OSBPL1A: variants seen among roughly 807,000 people sequenced by gnomAD.
OSBPL1A encodes the protein oxysterol binding protein like 1A.
In OSBPL1A, 80 loss-of-function variants were observed where a neutral mutation model predicts 137.1. The ratio of observed to expected loss-of-function variants is 0.58; its 90% CI spans 0.49 to 0.70. The LOEUF (loss-of-function observed/expected upper bound fraction) is 0.70. OSBPL1A is among the 30% of genes least tolerant of loss of function. The probability of loss-of-function intolerance (pLI) is 0.00; values close to 1 mark genes in which losing one functional copy is unlikely to be tolerated. For synonymous variants in OSBPL1A, 365 were observed against 389.7 expected (o/e 0.94, Z 0.75); for missense variants, 970 against 1,129.4 (o/e 0.86, Z 2.02).
At chr18:24,217,499 C>G (rs1027664448) in intron 17 of OSBPL1A, among the ~76,000 whole-genome samples, 2 of 152,138 alleles carry the variant, frequency 1.3e-5, no homozygotes, top group Non-Finnish European at 2.9e-5. Flanking sequence ...TCAAGTGATA[C>G]ACTTGCCTCT....
At chr18:24,359,575 T>A (rs2091591301) in intron 4 of OSBPL1A, among the ~76,000 whole-genome samples, 1 of 151,806 alleles carries the variant, frequency 6.6e-6, no homozygotes, top group Non-Finnish European at 1.5e-5. Flanking sequence ...ACGCGTATAG[T>A]TCTAGGTGGA....
intron 18 of OSBPL1A, 44 bp downstream of exon 18, chr18:24,196,081 T>A: frequency 6.8e-7 from 1 of 1,469,632 alleles, no homozygotes; most frequent in Non-Finnish European, 9.5e-7. Context: ...AATATGCGAT[T>A]AAACATATCT....
chr18:24,291,770 GA>G lies in OSBPL1A; in HGVS notation c.1175-10823del, dbSNP rs111966262. On this transcript the variant is annotated intron_variant, in intron 14 of 27. Coordinates refer to ENST00000319481, the MANE Select transcript of OSBPL1A (RefSeq NM_080597.4). ...AACAAAAGGGGACTTGGGGGACAGG[GA>G]AAAAAAAAAACGAGAGATTGCCTGT... Among the ~76,000 whole-genome samples, 276 of 147,418 alleles carry G rather than the reference GA, an allele frequency of 1.9e-3. 1 individual carries two copies. The highest frequency in any genetic ancestry group is 5.9e-3 in the African/African-American group (236 of 40,290).
intron 16 of OSBPL1A, among the ~76,000 whole-genome samples, chr18:24,226,989 T>A (rs141236258): frequency 0.027 from 4,042 of 149,894 alleles, 156 homozygotes; most frequent in African/African-American, 0.094. Flanking sequence ...CCTCCCAAGT[T>A]CAAGCAATTC....
intron 5 of OSBPL1A, 131 bp downstream of exon 5, chr18:24,341,416 A>T: frequency 1.5e-6 from 1 of 650,224 alleles, no homozygotes; most frequent in East Asian, 2.8e-5. Flanking sequence ...CAATGACTCC[A>T]AGATGACATT....
intron 18 of OSBPL1A, among the ~76,000 whole-genome samples, chr18:24,184,731 C>G (rs1028128844): frequency 6.6e-6 from 1 of 152,178 alleles, no homozygotes; most frequent in Non-Finnish European, 1.5e-5. Context: ...CATCACCTCA[C>G]AGAGAGAGGG....
At chr18:24,218,265 G>C (rs973015550) in intron 17 of OSBPL1A, 2 of 152,174 alleles carry the variant, frequency 1.3e-5, no homozygotes, top group Admixed American at 6.5e-5. Flanking sequence ...CACTGTTTTA[G>C]AGATACATAC....
chr18:24,397,011 G>A (rs1907791467), intron 1 of OSBPL1A, among the ~76,000 whole-genome samples: 1 of 152,214 alleles, frequency 6.6e-6, no homozygotes, highest in Non-Finnish European at 1.5e-5. Context: ...ACTGCCCACA[G>A]TTCCATTTCA....
intron 15 of OSBPL1A, among the ~76,000 whole-genome samples, chr18:24,279,403 T>C (rs1294377377): frequency 1.3e-5 from 2 of 152,030 alleles, no homozygotes; most frequent in African/African-American, 2.4e-5. Flanking sequence ...TACTCCAGCC[T>C]GGGCAACAGA....
At chr18:24,242,971 T>C (rs1254747768) in intron 15 of OSBPL1A, among the ~76,000 whole-genome samples, 1 of 152,138 alleles carries the variant, frequency 6.6e-6, no homozygotes, top group Non-Finnish European at 1.5e-5. Flanking sequence ...GGTTAAACAC[T>C]TCATTTCTCT....
At chr18:24,185,216 A>G (rs558999152) in intron 18 of OSBPL1A, among the ~76,000 whole-genome samples, 67 of 152,330 alleles carry the variant, frequency 4.4e-4, no homozygotes, top group Non-Finnish European at 8.4e-4. Context: ...TCGGTGTGGT[A>G]CTACAATGTT....
In OSBPL1A at chr18:24,318,777, C is replaced by T; in HGVS notation, c.658G>A (p.Glu220Lys). Residue 220 changes from glutamate to lysine, a missense_variant, in exon 8 of 28, where the codon GAA (glutamate) becomes AAA (lysine). Around this residue, in one of 2 missense-constraint regions of OSBPL1A, gnomAD observed 647 missense variants for 672.6 expected, o/e 0.96. Coordinates refer to ENST00000319481, the MANE Select transcript of OSBPL1A (RefSeq NM_080597.4). The stretch of plus-strand genomic sequence containing the variant: ...TTACCAACAAGAATGTGTTTCATTT[C>T]AGCACCCTGGGCAAGGTCAAGAGGT... Reference protein sequence around the residue: ...QKPLDLAQGAEMKHILVGNKV... With the variant: ...QKPLDLAQGAKMKHILVGNKV... 6.2e-7 allele frequency: 1 copy of T among 1,613,490 alleles called. No individual in the cohort carries two copies. The highest frequency in any genetic ancestry group is 8.5e-7 in the Non-Finnish European group (1 of 1,179,950).
chr18:24,192,902 G>C (rs2086926949), intron 18 of OSBPL1A, among the ~76,000 whole-genome samples: 1 of 152,182 alleles, frequency 6.6e-6, no homozygotes, highest in Non-Finnish European at 1.5e-5. Context: ...CGGAAAAAAT[G>C]GGATGAGGAC....
chr18:24,204,600 G>GAT (rs1367832447), intron 17 of OSBPL1A, among the ~76,000 whole-genome samples: 11 of 147,284 alleles, frequency 7.5e-5, no homozygotes, highest in East Asian at 5.9e-4. Flanking sequence ...TTCTCTAAAT[G>GAT]ATATATATAT....
At chr18:24,266,535 T>C (rs1253461471) in intron 15 of OSBPL1A, among the ~76,000 whole-genome samples, 1 of 151,500 alleles carries the variant, frequency 6.6e-6, no homozygotes, top group Non-Finnish European at 1.5e-5. Flanking sequence ...AAAGAAAGTA[T>C]GAAGGAAAAA....
At chr18:24,347,841 G>GAAAAAAAAAA (rs34599277) in intron 4 of OSBPL1A, 2 of 55,744 alleles carry the variant, frequency 3.6e-5, no homozygotes, top group African/African-American at 7.3e-5. Context: ...CACTCCATCT[G>GAAAAAAAAAA]AAAAAAAAAA....
At chr18:24,310,601 C>CAA (rs751767943) in intron 13 of OSBPL1A, among the ~76,000 whole-genome samples, 1,935 of 52,842 alleles carry the variant, frequency 0.037, 36 homozygotes, top group Non-Finnish European at 0.063. Context: ...GACTCCGTCT[C>CAA]AAAAAAAAAA....
intron 1 of OSBPL1A, among the ~76,000 whole-genome samples, chr18:24,381,956 AC>A (rs1440440552): frequency 2.0e-5 from 3 of 151,010 alleles, no homozygotes; most frequent in Non-Finnish European, 4.4e-5. Context: ...GGGAGACTCC[AC>A]CTCAAAAAAA....
chr18:24,348,806 G>C (rs1293567266), intron 4 of OSBPL1A, among the ~76,000 whole-genome samples: 1 of 151,822 alleles, frequency 6.6e-6, no homozygotes, highest in Non-Finnish European at 1.5e-5. Context: ...CTTCAAAAAG[G>C]TAAAAGATAC....
Sources: allele counts gnomAD v4.1 joint callset (sites outside exome capture counted in the v4.1 genomes callset), GRCh38; gene constraint gnomAD v4.1.1; regional missense constraint gnomAD v4.1.1; transcripts MANE v1.5; gene names NCBI Gene and HGNC (gene_info 2026-07-23, HGNC 2026-07-21).